Variants in PTPRD observed in about 807,000 individuals in gnomAD.
The protein encoded by PTPRD is protein tyrosine phosphatase receptor type D, also known as receptor-type tyrosine-protein phosphatase delta.
In PTPRD, 34 loss-of-function variants were observed where a neutral mutation model predicts 214.5. The ratio of observed to expected loss-of-function variants is 0.16; its 90% CI spans 0.12 to 0.21. The LOEUF (loss-of-function observed/expected upper bound fraction) is 0.21. PTPRD is among the 10% of genes least tolerant of loss of function. The pLI is 1.00. For synonymous variants in PTPRD, 1,128 were observed against 845.7 expected (o/e 1.33, Z -5.79); for missense variants, 2,545 against 2,398.7 (o/e 1.06, Z -1.27).
At chr9:9,575,951 G>T (rs2154305965) in intron 7 of PTPRD, among the ~76,000 whole-genome samples, 1 of 152,094 alleles carries the variant, frequency 6.6e-6, no homozygotes, top group South Asian at 2.1e-4. Flanking sequence ...TGCCCTCAAA[G>T]AAGAAATTAG....
chr9:9,741,768 C>A (rs147914016), intron 6 of PTPRD, among the ~76,000 whole-genome samples: 81 of 152,286 alleles, frequency 5.3e-4, no homozygotes, highest in African/African-American at 1.9e-3. Context: ...ATCCATGTCC[C>A]TGCAAATGAC....
chr9:10,513,309 A>G (rs75781191), intron 2 of PTPRD, among the ~76,000 whole-genome samples: 155 of 152,276 alleles, frequency 1.0e-3, no homozygotes, highest in Non-Finnish European at 1.9e-3. Flanking sequence ...GTGAATGACT[A>G]TAAGTGCAAC....
At chr9:10,047,986 T>A (rs1362446437) in intron 3 of PTPRD, among the ~76,000 whole-genome samples, 1 of 152,198 alleles carries the variant, frequency 6.6e-6, no homozygotes, top group Non-Finnish European at 1.5e-5. Context: ...GTTCCCATTA[T>A]AACAGAGTGA....
At chr9:10,425,980 T>C (rs2098610316) in intron 2 of PTPRD, among the ~76,000 whole-genome samples, 1 of 151,982 alleles carries the variant, frequency 6.6e-6, no homozygotes, top group African/African-American at 2.4e-5. Flanking sequence ...CATACACATA[T>C]GAATATATAA....
intron 4 of PTPRD, among the ~76,000 whole-genome samples, chr9:10,028,136 A>G (rs906287613): frequency 6.6e-6 from 1 of 152,028 alleles, no homozygotes; most frequent in African/African-American, 2.4e-5. Flanking sequence ...GTCTCACAAG[A>G]TCTGATGTTT....
At chr9:8,392,512 G>A (rs1564497993) in intron 36 of PTPRD, among the ~76,000 whole-genome samples, 1 of 152,040 alleles carries the variant, frequency 6.6e-6, no homozygotes, top group Non-Finnish European at 1.5e-5. Flanking sequence ...GGGCGACAGA[G>A]CAAGACTCTG....
intron 39 of PTPRD, among the ~76,000 whole-genome samples, chr9:8,374,996 G>A (rs1030976338): frequency 5.9e-5 from 9 of 151,802 alleles, no homozygotes; most frequent in African/African-American, 2.2e-4. Flanking sequence ...ATTAAGTCAC[G>A]ATAGAAGTGA....
intron 8 of PTPRD, among the ~76,000 whole-genome samples, chr9:9,427,102 A>G (rs2081253613): frequency 1.3e-5 from 2 of 152,144 alleles, no homozygotes; most frequent in African/African-American, 4.8e-5. Context: ...GATCGGTAAT[A>G]ACAAACTTCT....
chr9:8,979,610 A>G (rs1253282049), intron 11 of PTPRD, among the ~76,000 whole-genome samples: 1 of 152,108 alleles, frequency 6.6e-6, no homozygotes, highest in Non-Finnish European at 1.5e-5. Flanking sequence ...AGGAGACATA[A>G]AACTGGCCAA....
rs1204342030 is a variant in PTPRD, at chr9:9,703,591, A to G, written c.-287+30942T>C. Among the ~76,000 whole-genome samples the G allele has an allele frequency of 3.9e-5, 6 of 152,296 alleles. No individual in the cohort carries two copies. In the East Asian group the frequency reaches 1.2e-3, roughly 29 times the overall value. ...TACATTTTGAGAAACATTGATGCAT[A>G]GCATATTAATTTAAATAATATTATT... On this transcript the variant is annotated intron_variant, in intron 7 of 45. Transcript: ENST00000381196.
chr9:8,657,738 A>G (rs983660806), intron 12 of PTPRD, among the ~76,000 whole-genome samples: 1 of 152,136 alleles, frequency 6.6e-6, no homozygotes, highest in Non-Finnish European at 1.5e-5. Context: ...GTACTAAGGA[A>G]AGCATACATT....
chr9:8,561,067 A>G (rs920093055), intron 14 of PTPRD, among the ~76,000 whole-genome samples: 1 of 152,116 alleles, frequency 6.6e-6, no homozygotes, highest in African/African-American at 2.4e-5. Flanking sequence ...CCAAGCTAAA[A>G]ATTAAATCCT....
chr9:8,599,005 G>C (rs1191707159), intron 14 of PTPRD, among the ~76,000 whole-genome samples: 1 of 152,152 alleles, frequency 6.6e-6, no homozygotes, highest in Non-Finnish European at 1.5e-5. Context: ...TTGAATTGTA[G>C]CTCCCATAAT....
chr9:9,595,297 TATATA>T (rs2093200266), intron 7 of PTPRD, among the ~76,000 whole-genome samples: 1 of 62,236 alleles, frequency 1.6e-5, no homozygotes, highest in African/African-American at 5.9e-5. Context: ...ATTATATATA[TATATA>T]TATATATATT....
At position 8,518,005 on chromosome 9, in the gene PTPRD, A is replaced by C; in HGVS notation, c.1386T>G (p.His462Gln). The C allele has an allele frequency of 1.9e-6, 3 of 1,614,194 alleles. 1 individual carries two copies. In the South Asian group the frequency reaches 3.3e-5, roughly 18 times the overall value. The change falls in exon 21 of 46, where the codon CAT becomes CAG. Residue 462 changes from histidine (H) to glutamine (Q), a missense_variant. Transcript: ENST00000381196. ...CATTGTGTTTCATCCAGTTGTTGAC[A>C]TGTTGAGTGGGATCCATTGTATAAT... ...RVYYTMDPTQ[H>Q]VNNWMKHNVA... is the part of the protein sequence containing the mutation.
intron 35 of PTPRD, among the ~76,000 whole-genome samples, chr9:8,427,300 T>C (rs193254578): frequency 2.6e-5 from 4 of 152,312 alleles, no homozygotes; most frequent in East Asian, 1.9e-4. Flanking sequence ...TCACTGCTGA[T>C]AGATCAGGTG....
intron 3 of PTPRD, among the ~76,000 whole-genome samples, chr9:10,107,227 C>T (rs2098642582): frequency 6.6e-6 from 1 of 151,938 alleles, no homozygotes; most frequent in Admixed American, 6.6e-5. Context: ...GATATGCACA[C>T]ACACTCTCTT....
intron 8 of PTPRD, among the ~76,000 whole-genome samples, chr9:9,568,367 T>C (rs1020526764): frequency 5.9e-5 from 9 of 151,890 alleles, no homozygotes; most frequent in African/African-American, 2.2e-4. Context: ...AGAATCAGGC[T>C]TCCTAAGTTC....
intron 7 of PTPRD, among the ~76,000 whole-genome samples, chr9:9,621,421 T>C (rs912319252): frequency 6.6e-6 from 1 of 152,198 alleles, no homozygotes; most frequent in African/African-American, 2.4e-5. Context: ...CTCCTATCAA[T>C]AAATATGTTT....
Sources: gnomAD v4.1 joint callset for allele counts (sites outside exome capture counted in the v4.1 genomes callset) on GRCh38, gnomAD v4.1.1 for gene constraint, MANE v1.5 for transcripts, NCBI Gene and HGNC (gene_info 2026-07-23, HGNC 2026-07-21) for gene names.